Variants in RAB33B observed in about 807,000 individuals in gnomAD.
RAB33B encodes ras-related protein Rab-33B.
A neutral mutation model predicts 15.0 loss-of-function variants in RAB33B; 6 were observed. The observed-to-expected ratio is 0.40, with a 90% CI of 0.22 to 0.79. RAB33B has a LOEUF of 0.79. Ranked by LOEUF, RAB33B falls within the 30% of genes least tolerant of loss-of-function variation. RAB33B has a pLI of 0.37. For missense variants in RAB33B, 257 were observed against 296.4 expected (o/e 0.87, Z 0.98); for synonymous variants, 117 against 108.3 (o/e 1.08, Z -0.50).
the RAB33B span, among the ~76,000 whole-genome samples, chr4:139,447,859 G>T: frequency 1.3e-5 from 2 of 151,642 alleles, no homozygotes; most frequent in African/African-American, 2.4e-5. Flanking sequence ...GTAGAGACGG[G>T]GTTTCACCGT....
upstream of RAB33B, chr4:139,448,862 G>A (rs1749872388): frequency 6.6e-6 from 1 of 152,258 alleles, no homozygotes; most frequent in African/African-American, 2.4e-5. Flanking sequence ...GTAAGTGCAC[G>A]AGTTTAAGTG....
In RAB33B at chr4:139,473,474, C is replaced by T. The variant is rs1242316855; in HGVS notation, c.*348C>T. ...AAAAATGTTAAAGGTTTAGGACACA[C>T]CTAATAGTATGTCCTTTGAATGGGA... is the stretch of plus-strand genomic sequence containing the variant. On this transcript the variant is annotated 3_prime_UTR_variant, in exon 2 of 2. Coordinates refer to ENST00000305626, the MANE Select transcript of RAB33B (RefSeq NM_031296.3). 1.8e-5 allele frequency: 4 copies of T among 220,040 alleles called. No individual in the cohort carries two copies. Among genetic ancestry groups the T allele is most frequent in the African/African-American group, 4.6e-5 (2 of 43,658 alleles). The allele number at this position is 220,040 out of a possible 1,614,324, so 13.6% of individuals were successfully genotyped here.
rs574334228 is a variant in RAB33B, at chr4:139,476,136, C to T, written c.*3010C>T. On this transcript the variant is annotated 3_prime_UTR_variant, in exon 2 of 2. Transcript: ENST00000305626. ...GTATTAAAATTAGCTGATAACACAG[C>T]TTTTGTATTTGTGTGTTTTAGTAAT... The T allele has an allele frequency of 6.6e-6, 1 of 152,258 alleles. No homozygotes were observed. Among genetic ancestry groups the T allele is most frequent in the African/African-American group, 2.4e-5 (1 of 41,552 alleles). The allele number at this position is 152,258 out of a possible 1,614,324, so 9.4% of individuals were successfully genotyped here. A position where few individuals can be genotyped will look rare whatever the true frequency, so the allele number is the denominator to read the frequency against.
intron 1 of RAB33B, among the ~76,000 whole-genome samples, chr4:139,461,395 T>G (rs188787228): frequency 6.6e-6 from 1 of 152,330 alleles, no homozygotes; most frequent in African/African-American, 2.4e-5. Context: ...ATTCTGGCCT[T>G]AAGACTTACT....
At chr4:139,468,377 A>C (rs1362944067) in intron 1 of RAB33B, among the ~76,000 whole-genome samples, 12 of 152,238 alleles carry the variant, frequency 7.9e-5, no homozygotes, top group Admixed American at 7.9e-4. Context: ...CAGCCAAACC[A>C]TATCACCTGA....
At chr4:139,463,798 T>C (rs533072881) in intron 1 of RAB33B, among the ~76,000 whole-genome samples, 4 of 152,342 alleles carry the variant, frequency 2.6e-5, no homozygotes, top group Admixed American at 2.0e-4. Flanking sequence ...CTCTCACTGC[T>C]CCTTTCCTGT....
At chr4:139,439,845 A>G in the RAB33B span, among the ~76,000 whole-genome samples, 1 of 152,032 alleles carries the variant, frequency 6.6e-6, no homozygotes, top group South Asian at 2.1e-4. Flanking sequence ...CAGTTATTGT[A>G]CTTTTTAGCT....
rs748593700 is a variant in RAB33B at position 139,454,223 on chromosome 4, G to C, written c.28G>C (p.Glu10Gln). 1.8e-5 allele frequency: 29 copies of C among 1,613,732 alleles called. No individual in the cohort carries two copies. Among genetic ancestry groups the C allele is most frequent in the Non-Finnish European group, 2.3e-5 (27 of 1,179,834 alleles). Residue 10 changes from glutamate to glutamine, a missense_variant, in exon 1 of 2, where the codon GAG becomes CAG. Transcript: ENST00000305626. MAEEMESSL[E>Q]ASFSSSGAVS... Reference sequence around the variant, plus strand: ...GGCTGAGGAGATGGAGTCGTCGCTCGAGGCAAGCTTTTCGTCCAGCGGGGC... The same window carrying C: ...GGCTGAGGAGATGGAGTCGTCGCTCCAGGCAAGCTTTTCGTCCAGCGGGGC...
At chr4:139,459,366 T>C (rs1394168190) in intron 1 of RAB33B, among the ~76,000 whole-genome samples, 1 of 151,878 alleles carries the variant, frequency 6.6e-6, no homozygotes, top group African/African-American at 2.4e-5. Flanking sequence ...AGCCCAGGAG[T>C]TGGAGGCTCT....
At chr4:139,462,535 G>A (rs1358092082) in intron 1 of RAB33B, among the ~76,000 whole-genome samples, 1 of 152,020 alleles carries the variant, frequency 6.6e-6, no homozygotes, top group African/African-American at 2.4e-5. Context: ...ATTATTTCAT[G>A]TAAAAGACCA....
intron 1 of RAB33B, among the ~76,000 whole-genome samples, chr4:139,455,392 C>T (rs1750050276): frequency 6.6e-6 from 1 of 152,186 alleles, no homozygotes; most frequent in African/African-American, 2.4e-5. Flanking sequence ...ATCTCAGTCT[C>T]TTGGTGGGGA....
upstream of RAB33B, chr4:139,449,775 A>ATC (rs1554002810): frequency 1.3e-5 from 2 of 150,538 alleles, no homozygotes; most frequent in East Asian, 3.8e-4. Context: ...ATATATATAT[A>ATC]TCTCCTATTA....
intron 1 of RAB33B, among the ~76,000 whole-genome samples, chr4:139,455,094 CT>C (rs1208756173): frequency 6.6e-6 from 1 of 152,174 alleles, no homozygotes; most frequent in Non-Finnish European, 1.5e-5. Context: ...ACGCCCAATT[CT>C]TTATTCCCTT....
chr4:139,473,217 A>C lies in RAB33B; in HGVS notation c.*91A>C. The C allele has an allele frequency of 3.6e-6, 4 of 1,126,642 alleles. No individual in the cohort carries two copies. The South Asian group carries it at 6.9e-5, about 19-fold the overall frequency. The allele number at this position is 1,126,642 out of a possible 1,614,324, so 69.8% of individuals were successfully genotyped here. On this transcript the variant is annotated 3_prime_UTR_variant, in exon 2 of 2. Transcript: ENST00000305626. The stretch of plus-strand genomic sequence containing the variant: ...AGTCATAAGATTTAATCTCAACTAT[A>C]ATGGGTCATCTTGACACTTTGCTGT...
At chr4:139,448,382 G>C (rs1293325828), upstream of RAB33B, 1 of 152,144 alleles carries the variant, frequency 6.6e-6, no homozygotes, top group Non-Finnish European at 1.5e-5. Flanking sequence ...TCCTCCTTTT[G>C]TTAAAAACAT....
chr4:139,449,293 G>A (rs1749880751), upstream of RAB33B: 2 of 152,190 alleles, frequency 1.3e-5, no homozygotes, highest in Admixed American at 1.3e-4. Flanking sequence ...GTGTAATTAT[G>A]ACATTATTAT....
the RAB33B span, among the ~76,000 whole-genome samples, chr4:139,442,405 A>T: frequency 6.6e-6 from 1 of 152,218 alleles, no homozygotes; most frequent in Non-Finnish European, 1.5e-5. Context: ...GATGGTTAAT[A>T]GTGAGTGTCA....
chr4:139,457,111 A>G (rs1554003534), intron 1 of RAB33B, among the ~76,000 whole-genome samples: 5 of 152,250 alleles, frequency 3.3e-5, no homozygotes, highest in Non-Finnish European at 7.3e-5. Context: ...ATCATGGACT[A>G]GAAAATTTTC....
chr4:139,457,420 G>T (rs1394324672), intron 1 of RAB33B, among the ~76,000 whole-genome samples: 2 of 152,156 alleles, frequency 1.3e-5, no homozygotes, highest in African/African-American at 4.8e-5. Flanking sequence ...TCCAGTGGCA[G>T]ACACACCAAC....
Sources: gnomAD v4.1 joint callset for allele counts (sites outside exome capture counted in the v4.1 genomes callset) on GRCh38, gnomAD v4.1.1 for gene constraint, MANE v1.5 for transcripts, NCBI Gene and HGNC (gene_info 2026-07-23, HGNC 2026-07-21) for gene names.